The following ERBB4 variants were observed in gnomAD, a reference collection of about 807,000 sequenced individuals.
ERBB4 encodes receptor tyrosine-protein kinase erbB-4.
In ERBB4, 42 loss-of-function variants were observed where a neutral mutation model predicts 158.0. The observed-to-expected ratio is 0.27, with a 90% CI of 0.21 to 0.34. ERBB4 has a LOEUF of 0.34. Among genes scored for constraint, ERBB4 ranks in the 10% least tolerant of loss-of-function variants. ERBB4 has a pLI of 1.00. For synonymous variants in ERBB4, 583 were observed against 558.7 expected (o/e 1.04, Z -0.61); for missense variants, 1,333 against 1,624.1 (o/e 0.82, Z 3.08).
intron 5 of ERBB4, among the ~76,000 whole-genome samples, chr2:211,734,661 C>T (rs190582721): frequency 0.011 from 1,609 of 144,512 alleles, 18 homozygotes; most frequent in Non-Finnish European, 0.019. Flanking sequence ...TGGCTCACGG[C>T]TGTAATCCCA....
At chr2:211,392,541 GA>G (rs2062818936) in intron 25 of ERBB4, among the ~76,000 whole-genome samples, 1 of 140,970 alleles carries the variant, frequency 7.1e-6, no homozygotes, top group Non-Finnish European at 1.5e-5. Flanking sequence ...CTACTTTTTT[GA>G]AAAAACTCTC....
chr2:212,016,912 C>A (rs1244763225), intron 2 of ERBB4, among the ~76,000 whole-genome samples: 1 of 152,048 alleles, frequency 6.6e-6, no homozygotes, highest in Non-Finnish European at 1.5e-5. Flanking sequence ...TCATAGTTGT[C>A]ACTTAATAAA....
At chr2:212,150,835 A>G (rs547353929) in intron 1 of ERBB4, among the ~76,000 whole-genome samples, 264 of 152,308 alleles carry the variant, frequency 1.7e-3, no homozygotes, top group African/African-American at 6.2e-3. Context: ...ATAACCTTCA[A>G]TGTAAGTTTC....
chr2:211,427,626 T>TCTAA (rs1425284466), intron 22 of ERBB4, among the ~76,000 whole-genome samples: 6 of 152,218 alleles, frequency 3.9e-5, no homozygotes, highest in Admixed American at 3.3e-4. Flanking sequence ...TGTTCATTGC[T>TCTAA]CTAACTTACT....
intron 1 of ERBB4, among the ~76,000 whole-genome samples, chr2:212,203,653 G>C (rs2082653260): frequency 6.6e-6 from 1 of 152,120 alleles, no homozygotes; most frequent in Non-Finnish European, 1.5e-5. Flanking sequence ...TCATGAAAAG[G>C]ACAAACTAGT....
intron 4 of ERBB4, among the ~76,000 whole-genome samples, chr2:211,770,568 G>A (rs964159724): frequency 1.3e-5 from 2 of 152,126 alleles, no homozygotes; most frequent in Non-Finnish European, 2.9e-5. Flanking sequence ...TAGTGAAAAT[G>A]CTTGTTAAAA....
At chr2:211,403,721 C>T (rs1411042483) in intron 25 of ERBB4, among the ~76,000 whole-genome samples, 2 of 152,132 alleles carry the variant, frequency 1.3e-5, no homozygotes, top group Non-Finnish European at 2.9e-5. Flanking sequence ...ATCTCTTATT[C>T]TTTCTGTGCA....
At chr2:212,297,913 T>A (rs1297712483) in intron 1 of ERBB4, among the ~76,000 whole-genome samples, 1 of 151,712 alleles carries the variant, frequency 6.6e-6, no homozygotes, top group Admixed American at 6.6e-5. Context: ...AATATTTGAA[T>A]TTTGAAATAA....
At chr2:212,460,361 G>C (rs1011541065) in intron 1 of ERBB4, among the ~76,000 whole-genome samples, 4 of 152,174 alleles carry the variant, frequency 2.6e-5, no homozygotes, top group Non-Finnish European at 5.9e-5. Flanking sequence ...GGTTGGAACA[G>C]TTTGGAGGGC....
chr2:212,140,437 TATC>T (rs1165957629), intron 1 of ERBB4, among the ~76,000 whole-genome samples: 5 of 147,586 alleles, frequency 3.4e-5, no homozygotes, highest in Non-Finnish European at 7.5e-5. Flanking sequence ...TATATATACA[TATC>T]ATATATATTT....
At chr2:211,819,441 T>C (rs906415893) in intron 3 of ERBB4, among the ~76,000 whole-genome samples, 4 of 151,988 alleles carry the variant, frequency 2.6e-5, no homozygotes, top group Non-Finnish European at 5.9e-5. Flanking sequence ...AGTAAAAGCT[T>C]TAGTCTGAAA....
intron 1 of ERBB4, among the ~76,000 whole-genome samples, chr2:212,164,696 C>CT (rs11386428): frequency 0.63 from 95,807 of 151,680 alleles, 31,708 homozygotes; most frequent in African/African-American, 0.75. Context: ...TAAATAATCC[C>CT]TTTTTTCTTT....
At chr2:211,614,187 C>T (rs2069299569) in intron 19 of ERBB4, among the ~76,000 whole-genome samples, 1 of 152,008 alleles carries the variant, frequency 6.6e-6, no homozygotes. Flanking sequence ...CAAACATCAT[C>T]TGTTCTCATT....
chr2:212,473,298 G>A (rs1459372535), intron 1 of ERBB4, among the ~76,000 whole-genome samples: 1 of 151,896 alleles, frequency 6.6e-6, no homozygotes, highest in Non-Finnish European at 1.5e-5. Flanking sequence ...AAAATAAGAT[G>A]ACTACTGTTG....
intron 1 of ERBB4, among the ~76,000 whole-genome samples, chr2:212,407,320 T>G (rs1054704996): frequency 2.0e-5 from 3 of 152,056 alleles, no homozygotes; most frequent in Non-Finnish European, 2.9e-5. Flanking sequence ...TAATATTTAT[T>G]GAGTGCTTAA....
chr2:212,161,635 T>C (rs771058395), intron 1 of ERBB4, among the ~76,000 whole-genome samples: 8 of 151,844 alleles, frequency 5.3e-5, no homozygotes, highest in Non-Finnish European at 8.8e-5. Flanking sequence ...CAACTATCTT[T>C]TAGATAAGGA....
intron 20 of ERBB4, among the ~76,000 whole-genome samples, chr2:211,512,857 C>G (rs929459839): frequency 6.6e-6 from 1 of 152,122 alleles, no homozygotes; most frequent in Admixed American, 6.5e-5. Context: ...TGTCTCCCTT[C>G]TAGGTGTCCA....
chr2:212,217,570 C>T (rs2083141431), intron 1 of ERBB4, among the ~76,000 whole-genome samples: 1 of 151,116 alleles, frequency 6.6e-6, no homozygotes, highest in South Asian at 2.1e-4. Context: ...AGGCAGACAA[C>T]ATATGTTTGA....
At chr2:212,054,291 C>T (rs1159242415) in intron 2 of ERBB4, among the ~76,000 whole-genome samples, 1 of 152,140 alleles carries the variant, frequency 6.6e-6, no homozygotes, top group African/African-American at 2.4e-5. Flanking sequence ...AACAGCCTGC[C>T]TTCTCTCTGT....
Sources: gnomAD v4.1 joint callset for allele counts (sites outside exome capture counted in the v4.1 genomes callset) on GRCh38, gnomAD v4.1.1 for gene constraint, MANE v1.5 for transcripts, NCBI Gene and HGNC (gene_info 2026-07-23, HGNC 2026-07-21) for gene names.